The following RTL4 variants were observed in gnomAD, a reference collection of about 807,000 sequenced individuals.
The protein encoded by RTL4 is retrotransposon Gag-like protein 4.
In RTL4, 4 loss-of-function variants were observed where a neutral mutation model predicts 5.3. The ratio of observed to expected loss-of-function variants is 0.75; its 90% CI spans 0.37 to 1.72. The LOEUF (loss-of-function observed/expected upper bound fraction) is 1.72, where lower values mean the gene tolerates loss of function less well. Ranked by LOEUF, RTL4 falls within the 40% of genes most tolerant of loss-of-function variation. The pLI, the probability that RTL4 is intolerant of heterozygous loss-of-function variation, is 0.04. For missense variants in RTL4, 260 were observed against 227.1 expected (o/e 1.14, Z -0.93); for synonymous variants, 98 against 87.3 (o/e 1.12, Z -0.68).
the RTL4 span, among the ~76,000 whole-genome samples, chrX:112,424,909 T>C: frequency 1.8e-5 from 2 of 111,292 alleles, no homozygotes; most frequent in Non-Finnish European, 3.8e-5. Context: ...TTTTTTATGA[T>C]GGATGAAGCT....
At chrX:112,186,858 C>A in the RTL4 span, among the ~76,000 whole-genome samples, 1 of 112,123 alleles carries the variant, frequency 8.9e-6, no homozygotes, top group Non-Finnish European at 1.9e-5. Flanking sequence ...TCTTTGTGTC[C>A]CAGGAGGCTG....
chrX:112,147,397 C>G, the RTL4 span, among the ~76,000 whole-genome samples: 4 of 110,840 alleles, frequency 3.6e-5, no homozygotes, highest in East Asian at 1.1e-3. Flanking sequence ...TCAGCTACCC[C>G]CTCCCCCTTG....
At chrX:112,362,754 A>G in the RTL4 span, among the ~76,000 whole-genome samples, 2 of 109,657 alleles carry the variant, frequency 1.8e-5, no homozygotes, top group Admixed American at 1.9e-4. Context: ...TTCCCAACAG[A>G]CTCTCTCAGT....
chrX:112,161,788 T>TCTTCCTTC, the RTL4 span, among the ~76,000 whole-genome samples: 87 of 75,472 alleles, frequency 1.2e-3, 2 homozygotes, highest in African/African-American at 3.8e-3. Flanking sequence ...AGGTTGCTTT[T>TCTTCCTTC]CTTCCTTCCT....
the RTL4 span, among the ~76,000 whole-genome samples, chrX:112,419,635 A>ATATGTATATATATATATATAT: frequency 1.0e-5 from 1 of 96,188 alleles, no homozygotes; most frequent in Admixed American, 1.2e-4. Flanking sequence ...TTAAGTATGT[A>ATATGTATATATATATATATAT]AATCTGACTC....
the RTL4 span, among the ~76,000 whole-genome samples, chrX:112,119,225 CAAGGG>C: frequency 9.1e-6 from 1 of 109,921 alleles, no homozygotes; most frequent in Non-Finnish European, 1.9e-5. Context: ...GTCTGGTAGT[CAAGGG>C]AAGACAGAGA....
At chrX:112,250,202 C>G in the RTL4 span, among the ~76,000 whole-genome samples, 1 of 109,220 alleles carries the variant, frequency 9.2e-6, no homozygotes, top group African/African-American at 3.3e-5. Flanking sequence ...TGGCGTGAAC[C>G]CGGGAGGCGG....
the RTL4 span, among the ~76,000 whole-genome samples, chrX:112,416,454 T>C: frequency 8.9e-6 from 1 of 112,161 alleles, no homozygotes; most frequent in Non-Finnish European, 1.9e-5. Context: ...CCAATGCCTG[T>C]GAGATACGCA....
the RTL4 span, among the ~76,000 whole-genome samples, chrX:112,127,766 G>C: frequency 9.0e-6 from 1 of 111,637 alleles, no homozygotes; most frequent in South Asian, 3.7e-4. Flanking sequence ...TCGTGTTTCT[G>C]TATACCCACA....
At chrX:112,441,385 G>T in the RTL4 span, among the ~76,000 whole-genome samples, 362 of 111,408 alleles carry the variant, frequency 3.2e-3, 1 homozygote, top group African/African-American at 0.011. Flanking sequence ...CCCCGATTAA[G>T]CTTTTCCTAC....
the RTL4 span, among the ~76,000 whole-genome samples, chrX:112,426,651 T>C: frequency 9.0e-6 from 1 of 111,717 alleles, no homozygotes; most frequent in African/African-American, 3.2e-5. Context: ...AACGGCAATG[T>C]GTTTTTAATC....
chrX:112,248,744 G>A, the RTL4 span, among the ~76,000 whole-genome samples: 4 of 111,774 alleles, frequency 3.6e-5, no homozygotes, highest in African/African-American at 1.3e-4. Flanking sequence ...TTTGAGCAAG[G>A]GAAGTGATGC....
chrX:112,185,362 T>A, the RTL4 span, among the ~76,000 whole-genome samples: 3 of 94,636 alleles, frequency 3.2e-5, no homozygotes, highest in Non-Finnish European at 6.1e-5. Context: ...TCTTCCTGCA[T>A]CAGCTATTTT....
the RTL4 span, among the ~76,000 whole-genome samples, chrX:112,383,181 G>A: frequency 1.8e-5 from 2 of 111,478 alleles, no homozygotes; most frequent in African/African-American, 6.5e-5. Context: ...TTCCCATTTA[G>A]TATAACTGTA....
At chrX:112,140,170 A>G in the RTL4 span, among the ~76,000 whole-genome samples, 1 of 111,831 alleles carries the variant, frequency 8.9e-6, no homozygotes, top group Non-Finnish European at 1.9e-5. Flanking sequence ...TTTTCTTTTG[A>G]CATGCCCCAT....
At chrX:112,132,202 A>G in the RTL4 span, among the ~76,000 whole-genome samples, 2 of 111,843 alleles carry the variant, frequency 1.8e-5, no homozygotes, top group South Asian at 7.6e-4. Flanking sequence ...ATAACCTATC[A>G]TCATCCCTAG....
chrX:112,148,233 T>C, the RTL4 span, among the ~76,000 whole-genome samples: 2 of 108,231 alleles, frequency 1.8e-5, no homozygotes, highest in Admixed American at 1.0e-4. Context: ...TGATGTGAAC[T>C]TGGGATTCCT....
At chrX:112,200,110 T>C in the RTL4 span, among the ~76,000 whole-genome samples, 2 of 111,573 alleles carry the variant, frequency 1.8e-5, no homozygotes, top group East Asian at 5.7e-4. Flanking sequence ...GAGGAAGGAG[T>C]AAGTTTGTTG....
At chrX:112,283,726 TATTTA>T in the RTL4 span, among the ~76,000 whole-genome samples, 3 of 111,128 alleles carry the variant, frequency 2.7e-5, no homozygotes, top group Non-Finnish European at 5.7e-5. Flanking sequence ...TACCTATTAA[TATTTA>T]ATTAGTTTTA....
Sources: allele counts gnomAD v4.1 joint callset (sites outside exome capture counted in the v4.1 genomes callset), GRCh38; gene constraint gnomAD v4.1.1; transcripts MANE v1.5; gene names NCBI Gene and HGNC (gene_info 2026-07-23, HGNC 2026-07-21).